The following ERC2 variants were observed in gnomAD, a reference collection of about 807,000 sequenced individuals.
The protein encoded by ERC2 is ERC protein 2.
A neutral mutation model predicts 114.8 loss-of-function variants in ERC2; 42 were observed. The ratio of observed to expected loss-of-function variants is 0.37; its 90% CI spans 0.29 to 0.47. ERC2 has a LOEUF of 0.47. ERC2 is among the 20% of genes least tolerant of loss of function. The pLI, the probability that ERC2 is intolerant of heterozygous loss-of-function variation, is 0.99. For synonymous variants in ERC2, 454 were observed against 425.5 expected, an observed-to-expected ratio of 1.07 and a Z score of -0.82; for missense variants, 939 against 1,150.7, an observed-to-expected ratio of 0.82 and a Z score of 2.66.
intron 10 of ERC2, among the ~76,000 whole-genome samples, chr3:55,997,333 C>T (rs569678398): frequency 1.8e-4 from 28 of 151,980 alleles, no homozygotes; most frequent in Non-Finnish European, 2.6e-4. Context: ...CCATTGACAG[C>T]GCTTTAATAT....
intron 7 of ERC2, among the ~76,000 whole-genome samples, chr3:56,036,538 G>C (rs962695245): frequency 6.6e-6 from 1 of 152,118 alleles, no homozygotes; most frequent in Non-Finnish European, 1.5e-5. Flanking sequence ...GAACGAAAAC[G>C]GCAAGTGAAT....
intron 13 of ERC2, among the ~76,000 whole-genome samples, chr3:55,922,736 C>G (rs1415753258): frequency 6.6e-6 from 1 of 152,082 alleles, no homozygotes; most frequent in Admixed American, 6.6e-5. Context: ...AAGAAACCAG[C>G]AGTAAGAATT....
At chr3:56,426,996 TAA>T (rs537295354) in intron 2 of ERC2, among the ~76,000 whole-genome samples, 2,452 of 79,470 alleles carry the variant, frequency 0.031, 89 homozygotes, top group African/African-American at 0.11. Flanking sequence ...ACCTCATCTC[TAA>T]AAAAAAAAAA....
intron 13 of ERC2, among the ~76,000 whole-genome samples, chr3:55,898,091 GA>G (rs1479620094): frequency 6.6e-6 from 1 of 152,136 alleles, no homozygotes; most frequent in Non-Finnish European, 1.5e-5. Context: ...CATAATAAAA[GA>G]AGGATAGAGA....
At chr3:55,977,807 A>C (rs1368210202) in intron 12 of ERC2, among the ~76,000 whole-genome samples, 1 of 152,236 alleles carries the variant, frequency 6.6e-6, no homozygotes, top group Admixed American at 6.5e-5. Flanking sequence ...AGAGGAAAAG[A>C]CTAGAAACAA....
chr3:55,674,871 C>A (rs1219019948), intron 17 of ERC2, among the ~76,000 whole-genome samples: 8 of 152,062 alleles, frequency 5.3e-5, no homozygotes, highest in Non-Finnish European at 1.0e-4. Context: ...AAAGAAGGGA[C>A]CTGATTTATT....
intron 17 of ERC2, among the ~76,000 whole-genome samples, chr3:55,550,789 G>C (rs1410021968): frequency 6.6e-6 from 1 of 152,144 alleles, no homozygotes; most frequent in Non-Finnish European, 1.5e-5. Context: ...GGCCAAGGCG[G>C]GCAGATCACG....
At chr3:56,144,841 T>C (rs1262478733) in intron 5 of ERC2, among the ~76,000 whole-genome samples, 1 of 152,018 alleles carries the variant, frequency 6.6e-6, no homozygotes, top group African/African-American at 2.4e-5. Context: ...GGAACATAGT[T>C]ACAGGGTAAA....
At chr3:55,705,395 A>AGTGTGTGT (rs1390575432) in intron 15 of ERC2, among the ~76,000 whole-genome samples, 85 of 152,310 alleles carry the variant, frequency 5.6e-4, no homozygotes, top group African/African-American at 2.0e-3. Context: ...GAGATATGCA[A>AGTGTGTGT]GTGTGTGTAT....
rs578191463 is a variant in ERC2, at chr3:55,814,741, C to T, written c.2564+73648G>A. The stretch of plus-strand genomic sequence containing the variant: ...ATATATGGCTCTAGTCACTCTTCTC[C>T]ATGTTCCACATGAAAGCATTTTTCC... On this transcript the variant is annotated intron_variant, in intron 14 of 17. Transcript: ENST00000288221. Among the ~76,000 whole-genome samples the T allele has an allele frequency of 2.5e-3, 388 of 152,302 alleles. 1 individual carries two copies. The highest frequency in any genetic ancestry group is 8.9e-3 in the African/African-American group (368 of 41,560).
intron 14 of ERC2, among the ~76,000 whole-genome samples, chr3:55,873,335 C>T (rs2062673578): frequency 6.6e-6 from 1 of 152,176 alleles, no homozygotes; most frequent in South Asian, 2.1e-4. Context: ...CTGAGAGGTT[C>T]AAATCCCACC....
intron 3 of ERC2, among the ~76,000 whole-genome samples, chr3:56,181,789 T>C (rs1161398539): frequency 2.0e-5 from 3 of 152,166 alleles, no homozygotes; most frequent in African/African-American, 7.2e-5. Flanking sequence ...ATCACTTGTT[T>C]TGGTAGATGG....
intron 17 of ERC2, among the ~76,000 whole-genome samples, chr3:55,525,476 C>T (rs925709224): frequency 2.0e-5 from 3 of 152,152 alleles, no homozygotes. Flanking sequence ...GGCCAGCAAA[C>T]ATTCCTCATA....
At chr3:56,381,764 G>T (rs185586738) in intron 2 of ERC2, among the ~76,000 whole-genome samples, 5 of 151,868 alleles carry the variant, frequency 3.3e-5, no homozygotes, top group African/African-American at 1.2e-4. Context: ...AGAAAAAAAG[G>T]GGGGGGTGGA....
intron 2 of ERC2, among the ~76,000 whole-genome samples, chr3:56,414,579 G>C (rs1350103539): frequency 6.6e-6 from 1 of 152,016 alleles, no homozygotes; most frequent in Admixed American, 6.5e-5. Flanking sequence ...AAAAAAATTA[G>C]CCGGGTGTAG....
intron 3 of ERC2, among the ~76,000 whole-genome samples, chr3:56,196,237 G>A (rs1443257551): frequency 1.3e-5 from 2 of 152,006 alleles, no homozygotes; most frequent in Non-Finnish European, 2.9e-5. Context: ...ACGACAGAAG[G>A]TACACACTAC....
At chr3:55,634,891 C>CT (rs57622078) in intron 17 of ERC2, among the ~76,000 whole-genome samples, 113,810 of 147,780 alleles carry the variant, frequency 0.77, 44,925 homozygotes, top group Non-Finnish European at 0.86. Context: ...TTTATTATTT[C>CT]TTTTTTTTTT....
At chr3:55,818,900 G>A (rs1449804673) in intron 14 of ERC2, among the ~76,000 whole-genome samples, 1 of 152,208 alleles carries the variant, frequency 6.6e-6, no homozygotes, top group Non-Finnish European at 1.5e-5. Flanking sequence ...TATATAACTT[G>A]TTTCCGCAAG....
At chr3:56,204,646 T>A (rs917630340) in intron 3 of ERC2, among the ~76,000 whole-genome samples, 1 of 151,668 alleles carries the variant, frequency 6.6e-6, no homozygotes, top group African/African-American at 2.4e-5. Flanking sequence ...GGGATTACAG[T>A]CGTGTACCAC....
Sources: allele counts gnomAD v4.1 joint callset (sites outside exome capture counted in the v4.1 genomes callset), GRCh38; gene constraint gnomAD v4.1.1; transcripts MANE v1.5; gene names NCBI Gene and HGNC (gene_info 2026-07-23, HGNC 2026-07-21).